Variants in ZNF226 observed in about 807,000 individuals in gnomAD.
ZNF226 encodes Kruppel-associated box protein.
A neutral mutation model predicts 11.4 loss-of-function variants in ZNF226; 6 were observed. That is an observed-to-expected ratio of 0.53 (90% CI 0.29 to 1.04). The LOEUF (loss-of-function observed/expected upper bound fraction) is 1.04. Among genes scored for constraint, ZNF226 ranks in the 50% least tolerant of loss-of-function variants. The pLI is 0.08. For synonymous variants in ZNF226, 350 were observed against 322.8 expected (o/e 1.08, Z -0.90); for missense variants, 1,058 against 956.5 (o/e 1.11, Z -1.40).
At chr19:44,170,231 G>C in intron 3 of ZNF226, 136 bp downstream of exon 3, 1 of 748,910 alleles carries the variant, frequency 1.3e-6, no homozygotes, top group South Asian at 2.8e-5. Flanking sequence ...ATTTTGTTCC[G>C]TTTGAGTTTA....
At chr19:44,171,568 T>G (rs892573658) in intron 3 of ZNF226, among the ~76,000 whole-genome samples, 2 of 152,156 alleles carry the variant, frequency 1.3e-5, no homozygotes, top group Non-Finnish European at 2.9e-5. Context: ...ATTTTAAACA[T>G]AAATAGAAAA....
downstream of ZNF226, among the ~76,000 whole-genome samples, chr19:44,180,389 CTGT>C (rs1568577188): frequency 6.6e-6 from 1 of 152,116 alleles, no homozygotes; most frequent in Non-Finnish European, 1.5e-5. Context: ...ATTACAATTC[CTGT>C]TGTTCCTGGA....
chr19:44,188,104 T>C, the ZNF226 span, among the ~76,000 whole-genome samples: 1 of 152,166 alleles, frequency 6.6e-6, no homozygotes, highest in African/African-American at 2.4e-5. Context: ...TTTACTGTCG[T>C]TAGGTGAAGT....
rs576022258 is a variant in ZNF226 at position 44,172,959 on chromosome 19, A to G, written c.235+7A>G. The G allele has an allele frequency of 2.5e-5, 39 of 1,585,882 alleles. No homozygotes were observed. The African/African-American group carries it at 5.0e-4, about 20-fold the overall frequency. ...CGAAGACAGGGAAATTTAGGTAAAAACCAAACAGTTATGAGTTCTTATAGT... is the reference window on the plus strand; with the variant it reads ...CGAAGACAGGGAAATTTAGGTAAAAGCCAAACAGTTATGAGTTCTTATAGT... On this transcript the variant is annotated splice_region_variant and intron_variant, in intron 5 of 5. Coordinates refer to ENST00000337433, the MANE Select transcript of ZNF226 (RefSeq NM_001032373.2).
rs764604877 is a variant in ZNF226 at position 44,177,132 on chromosome 19, T to G, written c.1870T>G (p.Phe624Val). 1 of 1,614,096 alleles carries G rather than the reference T, an allele frequency of 6.2e-7. No individual in the cohort carries two copies. Among genetic ancestry groups the G allele is most frequent in the Non-Finnish European group, 8.5e-7 (1 of 1,180,020 alleles). The change falls in exon 6 of 6, where the codon TTC becomes GTC. Residue 624 changes from phenylalanine to valine, a missense_variant. By Grantham distance (50) the Phe-to-Val change is conservative. Coordinates refer to ENST00000337433, the MANE Select transcript of ZNF226 (RefSeq NM_001032373.2). Reference sequence around the variant, plus strand: ...TAATTGTGAGGAGTGTGGGAAGGTCTTCAGGCAGGCCTCAAATCTTTTGGC... The same window carrying G: ...TAATTGTGAGGAGTGTGGGAAGGTCGTCAGGCAGGCCTCAAATCTTTTGGC... ...PYNCEECGKV[F>V]RQASNLLAHQ...
At chr19:44,182,333 C>T (rs1185927976), downstream of ZNF226, among the ~76,000 whole-genome samples, 2 of 150,804 alleles carry the variant, frequency 1.3e-5, no homozygotes, top group Non-Finnish European at 2.9e-5. Context: ...CAGTAGCACA[C>T]GTGATGCGCG....
downstream of ZNF226, among the ~76,000 whole-genome samples, chr19:44,181,774 C>T (rs893203361): frequency 6.6e-6 from 1 of 152,100 alleles, no homozygotes; most frequent in Admixed American, 6.5e-5. Flanking sequence ...CCTGAAAAGC[C>T]TGTGATGACC....
chr19:44,172,305 G>C (rs1970191170), intron 4 of ZNF226, 91 bp downstream of exon 4: 3 of 1,493,782 alleles, frequency 2.0e-6, no homozygotes, highest in Non-Finnish European at 2.7e-6. Flanking sequence ...GTGGGAATCT[G>C]ACTTTCCTAA....
the ZNF226 span, among the ~76,000 whole-genome samples, chr19:44,185,307 A>G: frequency 6.6e-6 from 1 of 152,124 alleles, no homozygotes; most frequent in Admixed American, 6.5e-5. Context: ...TCTATTTTTA[A>G]TTTTTTGAGG....
chr19:44,197,607 T>G, the ZNF226 span, among the ~76,000 whole-genome samples: 1 of 152,220 alleles, frequency 6.6e-6, no homozygotes, highest in Non-Finnish European at 1.5e-5. Context: ...TTTATACTGC[T>G]GTAATGACTA....
downstream of ZNF226, among the ~76,000 whole-genome samples, chr19:44,182,271 C>T (rs911494021): frequency 2.0e-5 from 3 of 152,220 alleles, no homozygotes; most frequent in Admixed American, 6.5e-5. Context: ...AGGGGATGCT[C>T]TATGCATTGT....
chr19:44,178,144 C>T (rs1970847988), downstream of ZNF226: 1 of 159,280 alleles, frequency 6.3e-6, no homozygotes, highest in Admixed American at 5.8e-5. Context: ...ATGTAGAAAA[C>T]CACTCAATAC....
At chr19:44,179,307 A>G (rs1031088659), downstream of ZNF226, among the ~76,000 whole-genome samples, 1 of 152,188 alleles carries the variant, frequency 6.6e-6, no homozygotes, top group African/African-American at 2.4e-5. Flanking sequence ...TTTAACTTCT[A>G]TATTTTAATT....
intron 2 of ZNF226, among the ~76,000 whole-genome samples, chr19:44,166,085 T>C (rs1969338818): frequency 6.6e-6 from 1 of 152,240 alleles, no homozygotes; most frequent in African/African-American, 2.4e-5. Flanking sequence ...AGTCTGAGTC[T>C]AGACCTGAGT....
At chr19:44,198,208 A>G in the ZNF226 span, among the ~76,000 whole-genome samples, 1 of 152,190 alleles carries the variant, frequency 6.6e-6, no homozygotes, top group Non-Finnish European at 1.5e-5. Flanking sequence ...AATTACTGCA[A>G]ATACATAAAA....
In ZNF226 at chr19:44,175,953, A is replaced by G. The variant is rs1892486769; in HGVS notation, c.691A>G (p.Lys231Glu). ...ATCTTATAGACCCAATGATTATGAA[A>G]AAGACAACATGAAGATTTTGACATT... ...EKSYRPNDYE[K>E]DNMKILTFDH... The change falls in exon 6 of 6, where the codon AAA becomes GAA. Residue 231 changes from lysine (K) to glutamate (E), a missense_variant. By Grantham distance (56) the Lys-to-Glu change is moderately conservative (BLOSUM62 1). Transcript: ENST00000337433. 1 of 1,613,744 alleles carries G rather than the reference A, an allele frequency of 6.2e-7. No individual in the cohort carries two copies. Among genetic ancestry groups the G allele is most frequent in the Admixed American group, 1.7e-5 (1 of 60,002 alleles).
chr19:44,175,861 A>G lies in ZNF226; in HGVS notation c.599A>G (p.Lys200Arg), dbSNP rs1970622961. 1 of 1,613,712 alleles carries G rather than the reference A, an allele frequency of 6.2e-7. No homozygotes were observed. The highest frequency in any genetic ancestry group is 1.1e-5 in the South Asian group (1 of 90,986). The change falls in exon 6 of 6, where the codon AAG becomes AGG. Residue 200 changes from lysine (K) to arginine (R), a missense_variant. By Grantham distance (26) the Lys-to-Arg change is conservative (BLOSUM62 2). Transcript: ENST00000337433. ...ISIKNKLCQCKKGVDPIGWIS... is the reference protein window; with the variant it reads ...ISIKNKLCQCRKGVDPIGWIS... ...ATAAAAAATAAATTATGTCAATGTA[A>G]GAAGGGTGTTGATCCCATCGGTTGG... is the stretch of plus-strand genomic sequence containing the variant.
chr19:44,178,423 T>C (rs1257473730), downstream of ZNF226: 3 of 152,230 alleles, frequency 2.0e-5, no homozygotes, highest in Non-Finnish European at 4.4e-5. Context: ...ATGTTGATCA[T>C]TGGTTTTTTC....
rs1260339384 is a variant in ZNF226 at position 44,171,997 on chromosome 19, G to T, written c.16-91G>T. 13 of 1,532,736 alleles carry T rather than the reference G, an allele frequency of 8.5e-6. No individual in the cohort carries two copies. In the African/African-American group the frequency reaches 1.2e-4, roughly 15 times the overall value. 94.9% of individuals were successfully genotyped at this position (1,532,736 alleles called of 1,614,324 possible). On this transcript the variant is annotated intron_variant, in intron 3 of 5. Coordinates refer to ENST00000337433, the MANE Select transcript of ZNF226 (RefSeq NM_001032373.2). ...GGCTGGGAAATCTACAAACGGCTGG[G>T]CATCCAGAACAACTTTCCACCTGTT... is the stretch of plus-strand genomic sequence containing the variant.
Sources: gnomAD v4.1 joint callset for allele counts (sites outside exome capture counted in the v4.1 genomes callset) on GRCh38, gnomAD v4.1.1 for gene constraint, MANE v1.5 for transcripts, NCBI Gene and HGNC (gene_info 2026-07-23, HGNC 2026-07-21) for gene names.